Variants in CDYL observed in about 807,000 individuals in gnomAD.
CDYL encodes chromodomain Y like.
In CDYL, 8 loss-of-function variants were observed where a neutral mutation model predicts 47.3. The ratio of observed to expected loss-of-function variants is 0.17; its 90% CI spans 0.10 to 0.31. CDYL has a LOEUF of 0.31. Ranked by LOEUF, CDYL falls within the 10% of genes least tolerant of loss-of-function variation. The pLI is 1.00. For missense variants in CDYL, 471 were observed against 701.4 expected, an observed-to-expected ratio of 0.67 and a Z score of 3.71; for synonymous variants, 266 against 265.0, an observed-to-expected ratio of 1.00 and a Z score of -0.04.
intron 1 of CDYL, among the ~76,000 whole-genome samples, chr6:4,859,945 A>C (rs529822875): frequency 6.7e-6 from 1 of 148,412 alleles, no homozygotes; most frequent in East Asian, 2.0e-4. Flanking sequence ...TCTGTCACCC[A>C]GGCTGGAGTG....
intron 2 of CDYL, among the ~76,000 whole-genome samples, chr6:4,717,740 A>AAAAAAAAAT (rs1491395482): frequency 2.5e-5 from 3 of 118,824 alleles, no homozygotes; most frequent in East Asian, 2.4e-4. Flanking sequence ...AAAAAAAAAA[A>AAAAAAAAAT]TTAAAAATTG....
At position 4,920,790 on chromosome 6, in the gene CDYL, A is replaced by T. The variant is rs1757689845; in HGVS notation, c.692-14725A>T. Among the ~76,000 whole-genome samples, 3 of 152,078 alleles carry T rather than the reference A, an allele frequency of 2.0e-5. No homozygotes were observed. The South Asian group carries it at 6.2e-4, about 32-fold the overall frequency. On this transcript the variant is annotated intron_variant, in intron 2 of 6. Transcript: ENST00000397588. ...GCCACCACATGCAGCTAATTTTTGC[A>T]TTTTTAGCAGAGACGGGATTTCATC...
At chr6:4,841,633 T>G (rs1410227134) in intron 1 of CDYL, among the ~76,000 whole-genome samples, 1 of 152,258 alleles carries the variant, frequency 6.6e-6, no homozygotes, top group East Asian at 1.9e-4. Context: ...AATTTCCGTC[T>G]TGATTTCATT....
intron 1 of CDYL, among the ~76,000 whole-genome samples, chr6:4,881,595 G>C (rs898520008): frequency 6.6e-6 from 1 of 152,102 alleles, no homozygotes; most frequent in African/African-American, 2.4e-5. Flanking sequence ...TAATTCAATT[G>C]AGTTTTCTTA....
At position 4,730,788 on chromosome 6, in the gene CDYL, G is replaced by A. The variant is rs963496537; in HGVS notation, c.104-3974G>A. 3.3e-5 allele frequency among the ~76,000 whole-genome samples: 5 copies of A among 151,684 alleles called. No individual in the cohort carries two copies. The East Asian group carries it at 7.7e-4, about 23-fold the overall frequency. On this transcript the variant is annotated intron_variant, in intron 2 of 8. Coordinates refer to the CDYL transcript ENST00000328908. ...TCTCTGAAACAACACAGAAGAGTTG[G>A]CCTCCCTCCCTCGCCTGACATAGCT...
chr6:4,933,918 C>T (rs901404013), intron 2 of CDYL, among the ~76,000 whole-genome samples: 1 of 152,186 alleles, frequency 6.6e-6, no homozygotes, highest in Non-Finnish European at 1.5e-5. Context: ...TGCATCCCTA[C>T]CTTGGGCCTC....
intron 2 of CDYL, among the ~76,000 whole-genome samples, chr6:4,722,540 T>C (rs952053921): frequency 1.3e-5 from 2 of 152,152 alleles, no homozygotes; most frequent in Non-Finnish European, 2.9e-5. Context: ...TCATCCTGGT[T>C]AATCTAGAAC....
At chr6:4,755,326 C>A (rs879319580) in intron 3 of CDYL, among the ~76,000 whole-genome samples, 4 of 152,116 alleles carry the variant, frequency 2.6e-5, no homozygotes, top group Non-Finnish European at 5.9e-5. Context: ...CTGCCTCGGC[C>A]TCCCAAAGTG....
intron 2 of CDYL, among the ~76,000 whole-genome samples, chr6:4,898,726 C>G (rs534937277): frequency 1.3e-5 from 2 of 152,108 alleles, no homozygotes; most frequent in Non-Finnish European, 2.9e-5. Flanking sequence ...GCATAGAGCC[C>G]GTAGAGAAGA....
At chr6:4,905,813 A>G (rs1177546503) in intron 2 of CDYL, among the ~76,000 whole-genome samples, 1 of 152,092 alleles carries the variant, frequency 6.6e-6, no homozygotes, top group Non-Finnish European at 1.5e-5. Flanking sequence ...ATTTGTTTAA[A>G]TGTATGGGGT....
intron 2 of CDYL, among the ~76,000 whole-genome samples, chr6:4,902,388 G>A (rs542554915): frequency 6.7e-6 from 1 of 148,328 alleles, no homozygotes; most frequent in Non-Finnish European, 1.5e-5. Flanking sequence ...TCTGGGCAAC[G>A]AGTGAAGCTC....
intron 1 of CDYL, among the ~76,000 whole-genome samples, chr6:4,834,804 C>T (rs1760248605): frequency 6.6e-6 from 1 of 152,100 alleles, no homozygotes; most frequent in Middle Eastern, 3.4e-3. Context: ...AACTTCCTTT[C>T]TCGCTTCATT....
intron 3 of CDYL, among the ~76,000 whole-genome samples, chr6:4,753,770 G>A (rs1758033914): frequency 6.6e-6 from 1 of 152,182 alleles, no homozygotes; most frequent in South Asian, 2.1e-4. Context: ...CCTTGGGGCT[G>A]CAGCTTCAGG....
rs995097577 is a variant in CDYL at position 4,923,123 on chromosome 6, T to C, written c.692-12392T>C. Among the ~76,000 whole-genome samples, 5 of 152,220 alleles carry C rather than the reference T, an allele frequency of 3.3e-5. No individual in the cohort carries two copies. The South Asian group carries it at 6.2e-4, about 19-fold the overall frequency. Reference sequence around the variant, plus strand: ...CTATTTGAAAATATACAATAAATTATTGCTAATTTTAGTCACTCTGCAGTG... The same window carrying C: ...CTATTTGAAAATATACAATAAATTACTGCTAATTTTAGTCACTCTGCAGTG... On this transcript the variant is annotated intron_variant, in intron 2 of 6. Transcript: ENST00000397588.
chr6:4,738,789 A>G (rs1340721394), intron 3 of CDYL, among the ~76,000 whole-genome samples: 1 of 152,252 alleles, frequency 6.6e-6, no homozygotes, highest in African/African-American at 2.4e-5. Flanking sequence ...AGAAGAATGG[A>G]TAAATAAACT....
At chr6:4,807,778 T>C (rs1759414387) in intron 1 of CDYL, among the ~76,000 whole-genome samples, 1 of 150,252 alleles carries the variant, frequency 6.7e-6, no homozygotes, top group Non-Finnish European at 1.5e-5. Flanking sequence ...TAATTTTTAA[T>C]TTTTTTCTGT....
chr6:4,883,838 A>G (rs1581234260), intron 1 of CDYL, among the ~76,000 whole-genome samples: 1 of 152,302 alleles, frequency 6.6e-6, no homozygotes, highest in South Asian at 2.1e-4. Context: ...AAGCATAGTG[A>G]CTTGCACCTT....
intron 1 of CDYL, among the ~76,000 whole-genome samples, chr6:4,869,562 A>AT (rs1282035798): frequency 1.3e-5 from 2 of 151,398 alleles, no homozygotes; most frequent in Admixed American, 6.6e-5. Flanking sequence ...GTTTGTTTTT[A>AT]TTTTTTGGCC....
At chr6:4,812,636 A>G (rs1056247890) in intron 1 of CDYL, among the ~76,000 whole-genome samples, 3 of 152,178 alleles carry the variant, frequency 2.0e-5, no homozygotes, top group African/African-American at 7.2e-5. Flanking sequence ...CTTCAAAATT[A>G]TATTGGCTTT....
Sources: allele counts gnomAD v4.1 joint callset (sites outside exome capture counted in the v4.1 genomes callset), GRCh38; gene constraint gnomAD v4.1.1; transcripts MANE v1.5; gene names NCBI Gene and HGNC (gene_info 2026-07-23, HGNC 2026-07-21).